Variants in FBXL17 observed in about 807,000 individuals in gnomAD.
FBXL17 encodes F-box and leucine rich repeat protein 17, also known as F-box/LRR-repeat protein 17.
FBXL17 carries 22 observed loss-of-function variants against 66.2 expected under a neutral mutation model. That is an observed-to-expected ratio of 0.33 (90% CI 0.24 to 0.47). FBXL17 has a LOEUF of 0.47. Ranked by LOEUF, FBXL17 falls within the 20% of genes least tolerant of loss-of-function variation. The pLI is 1.00. For missense variants in FBXL17, 878 were observed against 948.2 expected (o/e 0.93, Z 0.97); for synonymous variants, 474 against 400.5 (o/e 1.18, Z -2.19).
At chr5:107,929,842 G>A (rs1750670666) in intron 7 of FBXL17, among the ~76,000 whole-genome samples, 1 of 151,930 alleles carries the variant, frequency 6.6e-6, no homozygotes, top group African/African-American at 2.4e-5. Flanking sequence ...GACGGGAGAA[G>A]AGATGGGAGC....
intron 7 of FBXL17, among the ~76,000 whole-genome samples, chr5:108,010,251 T>C (rs1333139224): frequency 2.0e-5 from 3 of 152,194 alleles, no homozygotes; most frequent in African/African-American, 7.2e-5. Flanking sequence ...TTTTCAATAC[T>C]TAAAACAAAT....
chr5:108,368,640 G>C (rs1363019234), intron 1 of FBXL17, among the ~76,000 whole-genome samples: 2 of 152,092 alleles, frequency 1.3e-5, no homozygotes, highest in South Asian at 2.1e-4. Flanking sequence ...TATCCAGTTA[G>C]ATCCTGGGAC....
chr5:108,048,628 T>C (rs948836363), intron 6 of FBXL17, among the ~76,000 whole-genome samples: 1 of 152,144 alleles, frequency 6.6e-6, no homozygotes, highest in Non-Finnish European at 1.5e-5. Flanking sequence ...CTGATGGAGC[T>C]GAAAAACACA....
intron 6 of FBXL17, among the ~76,000 whole-genome samples, chr5:108,054,530 G>C (rs753539793): frequency 1.4e-4 from 22 of 152,142 alleles, no homozygotes; most frequent in Non-Finnish European, 2.9e-4. Context: ...TCCCTGTTTG[G>C]CCTTCTCTGC....
intron 7 of FBXL17, among the ~76,000 whole-genome samples, chr5:107,888,134 GTTC>G (rs747423123): frequency 3.3e-5 from 5 of 152,126 alleles, no homozygotes; most frequent in Non-Finnish European, 4.4e-5. Flanking sequence ...TTTCCAGATA[GTTC>G]TTTTTTTGCA....
At chr5:108,338,373 C>T (rs1352065376) in intron 4 of FBXL17, among the ~76,000 whole-genome samples, 1 of 152,036 alleles carries the variant, frequency 6.6e-6, no homozygotes, top group Non-Finnish European at 1.5e-5. Context: ...TTTACAACCA[C>T]TTTTCTTTGT....
chr5:107,859,388 C>CTTTTTT lies in FBXL17; in HGVS notation c.*2331_*2332insAAAAAA, dbSNP rs1748057634. The stretch of plus-strand genomic sequence containing the variant: ...CACTCAAGGTGATGCTTTTTTCTGG[C>CTTTTTT]TGTTTTTTTTTTTTTTTTTTTTTTT... On this transcript the variant is annotated 3_prime_UTR_variant, in exon 9 of 9. Coordinates refer to ENST00000542267, the MANE Select transcript of FBXL17 (RefSeq NM_001163315.3). 1 of 68,462 alleles carries CTTTTTT rather than the reference C, an allele frequency of 1.5e-5. No homozygotes were observed. Among genetic ancestry groups the CTTTTTT allele is most frequent in the Non-Finnish European group, 3.0e-5 (1 of 33,102 alleles). 4.2% of individuals were successfully genotyped at this position (68,462 alleles called of 1,614,324 possible). A position where few individuals can be genotyped will look rare whatever the true frequency, so the allele number is the denominator to read the frequency against.
intron 1 of FBXL17, among the ~76,000 whole-genome samples, chr5:108,380,413 G>T (rs1749762758): frequency 6.6e-6 from 1 of 152,100 alleles, no homozygotes; most frequent in South Asian, 2.1e-4. Flanking sequence ...GAATACCTGC[G>T]AAGTTTCTAA....
At chr5:108,369,138 T>C (rs1266100845) in intron 1 of FBXL17, among the ~76,000 whole-genome samples, 3 of 152,198 alleles carry the variant, frequency 2.0e-5, no homozygotes, top group Non-Finnish European at 4.4e-5. Context: ...TCTGCCATAT[T>C]GTTTATGTAA....
chr5:107,995,856 T>G (rs950110004), intron 7 of FBXL17, among the ~76,000 whole-genome samples: 7 of 152,090 alleles, frequency 4.6e-5, no homozygotes, highest in African/African-American at 1.7e-4. Context: ...GACAGTAAAT[T>G]TGAAAAATGG....
At chr5:108,215,402 T>A (rs920890340) in intron 5 of FBXL17, among the ~76,000 whole-genome samples, 1 of 152,190 alleles carries the variant, frequency 6.6e-6, no homozygotes, top group African/African-American at 2.4e-5. Flanking sequence ...ATTACAACCA[T>A]CCTAGTAGGT....
rs573759293 is a variant in FBXL17, at chr5:108,293,930, ACTTGGGAGG to A, written c.1506+54460_1506+54468del. Among the ~76,000 whole-genome samples, 602 of 151,108 alleles carry A rather than the reference ACTTGGGAGG, an allele frequency of 4.0e-3. 4 individuals are homozygous for A. The highest frequency in any genetic ancestry group is 0.014 in the African/African-American group (574 of 41,184). On this transcript the variant is annotated intron_variant, in intron 4 of 8. Transcript: ENST00000542267. ...GTGGCACATGCCTGTAATTCCAGCT[ACTTGGGAGG>A]CTGAAGCACAAGAATCCATTGAACC...
intron 4 of FBXL17, among the ~76,000 whole-genome samples, chr5:108,243,819 T>C (rs377733172): frequency 1.3e-5 from 2 of 152,228 alleles, no homozygotes; most frequent in Non-Finnish European, 1.5e-5. Flanking sequence ...TATACAAAAA[T>C]AGAAAAACCA....
intron 4 of FBXL17, among the ~76,000 whole-genome samples, chr5:108,274,249 C>T (rs981011511): frequency 1.3e-5 from 2 of 152,272 alleles, no homozygotes; most frequent in African/African-American, 4.8e-5. Context: ...GTCTATCTCA[C>T]CTCTGCAGTC....
At chr5:108,182,440 T>C (rs2150027903) in intron 6 of FBXL17, among the ~76,000 whole-genome samples, 1 of 152,308 alleles carries the variant, frequency 6.6e-6, no homozygotes, top group South Asian at 2.1e-4. Flanking sequence ...ATGAGTAATT[T>C]AGATGATACT....
chr5:108,351,372 A>T (rs1016176208), intron 3 of FBXL17, among the ~76,000 whole-genome samples: 8 of 152,174 alleles, frequency 5.3e-5, no homozygotes, highest in Non-Finnish European at 1.2e-4. Context: ...AATACAAACA[A>T]ACATGCCAGG....
At chr5:108,319,761 A>G (rs558397042) in intron 4 of FBXL17, among the ~76,000 whole-genome samples, 9 of 151,748 alleles carry the variant, frequency 5.9e-5, no homozygotes, top group African/African-American at 2.2e-4. Flanking sequence ...ATTTTTAACT[A>G]TATAACTTCT....
intron 7 of FBXL17, among the ~76,000 whole-genome samples, chr5:107,977,693 T>C (rs926202571): frequency 6.6e-6 from 1 of 152,342 alleles, no homozygotes; most frequent in Middle Eastern, 3.4e-3. Flanking sequence ...ACAATCTACA[T>C]GAACATACAT....
intron 6 of FBXL17, among the ~76,000 whole-genome samples, chr5:108,182,065 G>A (rs1438429378): frequency 2.0e-5 from 3 of 152,088 alleles, no homozygotes; most frequent in Non-Finnish European, 2.9e-5. Context: ...GGTTACTTTC[G>A]TCCCCTCGAT....
Sources: gnomAD v4.1 joint callset for allele counts (sites outside exome capture counted in the v4.1 genomes callset) on GRCh38, gnomAD v4.1.1 for gene constraint, MANE v1.5 for transcripts, NCBI Gene and HGNC (gene_info 2026-07-23, HGNC 2026-07-21) for gene names.